Variants in SECISBP2 observed in about 807,000 individuals in gnomAD.
The protein encoded by SECISBP2 is SECIS binding protein 2.
Under a neutral mutation model 98.2 loss-of-function variants are expected in SECISBP2, and 96 were observed. That is an observed-to-expected ratio of 0.98 (90% CI 0.83 to 1.16). The LOEUF (loss-of-function observed/expected upper bound fraction) is 1.16, where lower values mean the gene tolerates loss of function less well. Ranked by LOEUF, SECISBP2 falls within the 50% of genes most tolerant of loss-of-function variation. SECISBP2 has a pLI of 0.00. For synonymous variants in SECISBP2, 407 were observed against 370.2 expected, an observed-to-expected ratio of 1.10 and a Z score of -1.14; for missense variants, 1,046 against 1,022.9, an observed-to-expected ratio of 1.02 and a Z score of -0.31.
chr9:89,351,376 A>G (rs1282986826), intron 14 of SECISBP2, among the ~76,000 whole-genome samples: 1 of 152,022 alleles, frequency 6.6e-6, no homozygotes, highest in African/African-American at 2.4e-5. Flanking sequence ...GTAACAGTGA[A>G]CCCTCACCTG....
intron 8 of SECISBP2, 150 bp from the exon 9 acceptor site, chr9:89,339,714 G>T: frequency 3.1e-6 from 2 of 645,308 alleles, no homozygotes; most frequent in Non-Finnish European, 5.6e-6. Context: ...GTTAAATAAA[G>T]CAGAAGCTCT....
chr9:89,344,763 CTT>C (rs1263264997), intron 10 of SECISBP2, among the ~76,000 whole-genome samples: 1 of 152,108 alleles, frequency 6.6e-6, no homozygotes, highest in African/African-American at 2.4e-5. Flanking sequence ...ATTGAAGAAA[CTT>C]TACTCCAGTA....
intron 16 of SECISBP2, 86 bp from the exon 17 acceptor site, chr9:89,358,635 T>G (rs1477594036): frequency 1.1e-6 from 1 of 876,104 alleles, no homozygotes; most frequent in African/African-American, 1.7e-5. Context: ...GGCCACAGGC[T>G]CCCTCTCTCA....
Position 89,350,615 on chromosome 9 carries a change from T to G in SECISBP2, c.1893-17T>G, listed in dbSNP as rs1831135474. On this transcript the variant is annotated splice_polypyrimidine_tract_variant and intron_variant, in intron 13 of 16. Transcript: ENST00000375807. ...ACAGCCAGTGGCACAATTCCTGATG[T>G]CTGATGTTTCTTTCAGTTACTGCAG... The G allele has an allele frequency of 1.9e-6, 3 of 1,609,902 alleles. No homozygotes were observed. The East Asian group carries it at 6.7e-5, about 36-fold the overall frequency.
At position 89,328,974 on chromosome 9, in the gene SECISBP2, G is replaced by A. The variant is rs1313435421; in HGVS notation, c.801+88G>A. 2.7e-6 allele frequency: 3 copies of A among 1,094,620 alleles called. No individual in the cohort carries two copies. The Admixed American group carries it at 6.0e-5, about 22-fold the overall frequency. 67.8% of individuals were successfully genotyped at this position (1,094,620 alleles called of 1,614,324 possible). Reference sequence around the variant, plus strand: ...ACATTACACATTAAATCTTGCTGTGGGCTTTGATGTCCATGGAGCTGGGGA... The same window carrying A: ...ACATTACACATTAAATCTTGCTGTGAGCTTTGATGTCCATGGAGCTGGGGA... On this transcript the variant is annotated intron_variant, in intron 5 of 16. Coordinates refer to ENST00000375807, the MANE Select transcript of SECISBP2 (RefSeq NM_024077.5).
intron 10 of SECISBP2, among the ~76,000 whole-genome samples, chr9:89,344,392 G>A (rs1830132988): frequency 6.6e-6 from 1 of 152,188 alleles, no homozygotes; most frequent in Non-Finnish European, 1.5e-5. Flanking sequence ...CAGTTCCTGT[G>A]TCCAAAATGG....
Position 89,339,921 on chromosome 9 carries a change from A to T in SECISBP2, c.1270A>T (p.Thr424Ser), listed in dbSNP as rs1829403369. 1 of 1,613,576 alleles carries T rather than the reference A, an allele frequency of 6.2e-7. No homozygotes were observed. The highest frequency in any genetic ancestry group is 1.1e-5 in the South Asian group (1 of 91,082). ...ATCTGAAAGAAGAGACAGAATAGAG[A>T]CACCGAAATTTCAATCTAAGCAGCA... ...VASERRDRIE[T>S]PKFQSKQQPQ... The change falls in exon 9 of 17, where the codon ACA (threonine) becomes TCA (serine). Residue 424 changes from threonine (T) to serine (S), a missense_variant. Coordinates refer to ENST00000375807, the MANE Select transcript of SECISBP2 (RefSeq NM_024077.5).
At chr9:89,362,557 C>T (rs895363434), downstream of SECISBP2, 41 of 1,521,360 alleles carry the variant, frequency 2.7e-5, no homozygotes, top group African/African-American at 5.5e-4. Flanking sequence ...TGTGGTTCCC[C>T]TCCTTGGAGT....
In SECISBP2 at chr9:89,325,437, T is replaced by C. The variant is rs751179748; in HGVS notation, c.193T>C (p.Tyr65His). The change falls in exon 3 of 17, where the codon TAT becomes CAT. Residue 65 changes from tyrosine (Y) to histidine (H), a missense_variant. By Grantham distance (83) the Tyr-to-His change is moderately conservative (BLOSUM62 2). Coordinates refer to ENST00000375807, the MANE Select transcript of SECISBP2 (RefSeq NM_024077.5). Reference sequence around the variant, plus strand: ...ACACTTTTTACTTAGGCAGAAAATATATACTGAAGACATGGCCTTTGGAGC... The same window carrying C: ...ACACTTTTTACTTAGGCAGAAAATACATACTGAAGACATGGCCTTTGGAGC... ...QEPPVTEQKI[Y>H]TEDMAFGAST... 65 of 1,613,988 alleles carry C rather than the reference T, an allele frequency of 4.0e-5. 3 individuals carry two copies. In the South Asian group the frequency reaches 5.9e-4, roughly 15 times the overall value.
chr9:89,358,291 C>T, intron 16 of SECISBP2, 100 bp downstream of exon 16: 6 of 1,235,522 alleles, frequency 4.9e-6, no homozygotes, highest in Non-Finnish European at 7.0e-6. Flanking sequence ...GCTGCAAGAC[C>T]AGCTGAGTAG....
chr9:89,362,450 T>C (rs990492685), downstream of SECISBP2: 7 of 1,613,890 alleles, frequency 4.3e-6, no homozygotes, highest in Non-Finnish European at 5.9e-6. Context: ...ATGTGGTCTT[T>C]GAATCCTTGG....
chr9:89,341,008 A>G (rs1355340121), intron 9 of SECISBP2, among the ~76,000 whole-genome samples: 1 of 152,238 alleles, frequency 6.6e-6, no homozygotes, highest in Non-Finnish European at 1.5e-5. Flanking sequence ...GTACTAACCA[A>G]GTAGCCTCAC....
rs1210567703 is a variant in SECISBP2 at position 89,325,638 on chromosome 9, A to G, written c.394A>G (p.Thr132Ala). 6.2e-7 allele frequency: 1 copy of G among 1,614,216 alleles called. No individual in the cohort carries two copies. Among genetic ancestry groups the G allele is most frequent in the South Asian group, 1.1e-5 (1 of 91,082 alleles). ...FQTVKHRNENTCPLPQEMKAL... is the reference protein window; with the variant it reads ...FQTVKHRNENACPLPQEMKAL... ...AACAGTGAAGCATCGAAATGAGAAC[A>G]CATGCCCTCTCCCACAAGAAATGAA... The change falls in exon 3 of 17, where the codon ACA becomes GCA. Residue 132 changes from threonine to alanine, a missense_variant. By Grantham distance (58) the Thr-to-Ala change is moderately conservative. Transcript: ENST00000375807.
intron 1 of SECISBP2, chr9:89,318,832 G>C (rs1825163710): frequency 1.6e-6 from 2 of 1,273,542 alleles, no homozygotes; most frequent in Non-Finnish European, 9.9e-7. Flanking sequence ...AGTTAGCGCC[G>C]CGTCTGTGGT....
At chr9:89,326,099 C>A (rs1260361360) in intron 4 of SECISBP2, 61 bp downstream of exon 4, 4 of 1,579,316 alleles carry the variant, frequency 2.5e-6, no homozygotes, top group Non-Finnish European at 3.4e-6. Flanking sequence ...AGAAACATTC[C>A]TGCTATGTAT....
chr9:89,318,536 C>G lies in SECISBP2; in HGVS notation c.-41C>G, dbSNP rs570508317. On this transcript the variant is annotated 5_prime_UTR_variant, in exon 1 of 17. Coordinates refer to ENST00000375807, the MANE Select transcript of SECISBP2 (RefSeq NM_024077.5). ...GTCTGTCCGGCAAGCCGACGGCCCG[C>G]TGCTGGCCTCCGTGACGCGGCCTCC... is the stretch of plus-strand genomic sequence containing the variant. The G allele has an allele frequency of 2.0e-6, 3 of 1,512,564 alleles. No homozygotes were observed. The highest frequency in any genetic ancestry group is 2.6e-6 in the Non-Finnish European group (3 of 1,135,674). 93.7% of individuals were successfully genotyped at this position (1,512,564 alleles called of 1,614,324 possible).
chr9:89,342,288 G>A (rs1017658669), intron 10 of SECISBP2, among the ~76,000 whole-genome samples: 6 of 152,198 alleles, frequency 3.9e-5, no homozygotes, highest in Non-Finnish European at 8.8e-5. Flanking sequence ...AAAATAACAG[G>A]TGTCAGTGAA....
At chr9:89,338,391 A>G in intron 7 of SECISBP2, 67 bp from the exon 8 acceptor site, 2 of 1,550,424 alleles carry the variant, frequency 1.3e-6, no homozygotes, top group Non-Finnish European at 1.8e-6. Flanking sequence ...TTTTGTTGAT[A>G]CATAGTATTA....
chr9:89,341,979 C>T (rs1017542047), intron 10 of SECISBP2, among the ~76,000 whole-genome samples: 8 of 151,908 alleles, frequency 5.3e-5, no homozygotes, highest in African/African-American at 9.7e-5. Flanking sequence ...TTTTGCATAC[C>T]GAAGGACATT....
Sources: allele counts gnomAD v4.1 joint callset (sites outside exome capture counted in the v4.1 genomes callset), GRCh38; gene constraint gnomAD v4.1.1; transcripts MANE v1.5; gene names NCBI Gene and HGNC (gene_info 2026-07-23, HGNC 2026-07-21).